CACNA1C: variants seen among roughly 807,000 people sequenced by gnomAD.
CACNA1C encodes the protein calcium voltage-gated channel subunit alpha1 C.
CACNA1C carries 30 observed loss-of-function variants against 229.0 expected under a neutral mutation model. The ratio of observed to expected loss-of-function variants is 0.13; its 90% CI spans 0.10 to 0.18. The LOEUF is 0.18. Ranked by LOEUF, CACNA1C falls within the 10% of genes least tolerant of loss-of-function variation. CACNA1C has a pLI of 1.00. For synonymous variants in CACNA1C, 1,114 were observed against 1,132.5 expected, an observed-to-expected ratio of 0.98 and a Z score of 0.33; for missense variants, 1,658 against 2,845.0, an observed-to-expected ratio of 0.58 and a Z score of 9.49.
intron 1 of CACNA1C, among the ~76,000 whole-genome samples, chr12:2,094,179 T>C (rs1165454311): frequency 5.3e-5 from 8 of 152,188 alleles, no homozygotes; most frequent in African/African-American, 1.9e-4. Context: ...AGCAGGCAGT[T>C]GTAATCTCAG....
chr12:2,435,068 T>C (rs1475465754), intron 3 of CACNA1C, among the ~76,000 whole-genome samples: 4 of 152,140 alleles, frequency 2.6e-5, no homozygotes, highest in Non-Finnish European at 5.9e-5. Flanking sequence ...AGTTTAGACC[T>C]CACCTGCCTG....
intron 1 of CACNA1C, among the ~76,000 whole-genome samples, chr12:2,021,602 C>T (rs1183643588): frequency 2.0e-5 from 3 of 151,942 alleles, no homozygotes; most frequent in Non-Finnish European, 2.9e-5. Context: ...ATCGCTTGAA[C>T]CCGGGAGGTG....
intron 29 of CACNA1C, among the ~76,000 whole-genome samples, chr12:2,620,481 G>A (rs542039634): frequency 8.5e-5 from 13 of 152,212 alleles, no homozygotes; most frequent in South Asian, 4.2e-4. Context: ...AGCCATTCTC[G>A]AGTCACCACC....
chr12:2,510,485 A>G (rs1265157711), intron 8 of CACNA1C, among the ~76,000 whole-genome samples: 1 of 152,196 alleles, frequency 6.6e-6, no homozygotes, highest in African/African-American at 2.4e-5. Context: ...AATCACCAGC[A>G]TACCTCGTGT....
At chr12:2,444,565 G>A (rs1455053492) in intron 3 of CACNA1C, among the ~76,000 whole-genome samples, 1 of 151,984 alleles carries the variant, frequency 6.6e-6, no homozygotes, top group Non-Finnish European at 1.5e-5. Context: ...ACTCTGCTCT[G>A]GGCCCCACCT....
intron 1 of CACNA1C, among the ~76,000 whole-genome samples, chr12:2,009,936 T>A (rs1254381774): frequency 6.6e-6 from 1 of 152,050 alleles, no homozygotes; most frequent in Admixed American, 6.5e-5. Flanking sequence ...AGTGAGAAAA[T>A]GTACCAGAAA....
chr12:2,250,009 C>T (rs561297824), intron 3 of CACNA1C, among the ~76,000 whole-genome samples: 6 of 152,206 alleles, frequency 3.9e-5, no homozygotes, highest in South Asian at 2.1e-4. Flanking sequence ...GGGGTTTCAC[C>T]GTGTTAGCCA....
At chr12:2,326,895 T>TA (rs1242505822) in intron 3 of CACNA1C, among the ~76,000 whole-genome samples, 1 of 152,224 alleles carries the variant, frequency 6.6e-6, no homozygotes, top group African/African-American at 2.4e-5. Context: ...TGAAGCTTTG[T>TA]AAAAATAGGC....
At chr12:2,536,977 A>G (rs1427515846) in intron 9 of CACNA1C, among the ~76,000 whole-genome samples, 2 of 152,252 alleles carry the variant, frequency 1.3e-5, no homozygotes, top group Non-Finnish European at 2.9e-5. Context: ...TCCAAGTGGC[A>G]GAGCCAGGAT....
At chr12:2,484,623 C>A (rs973073092) in intron 5 of CACNA1C, among the ~76,000 whole-genome samples, 1 of 152,108 alleles carries the variant, frequency 6.6e-6, no homozygotes. Context: ...CACTGAGGCC[C>A]GTCGAGACAC....
chr12:2,244,340 C>T (rs1300610619), intron 3 of CACNA1C, among the ~76,000 whole-genome samples: 1 of 152,250 alleles, frequency 6.6e-6, no homozygotes, highest in African/African-American at 2.4e-5. Context: ...TGCAGCTCCG[C>T]TTTTGAACAG....
intron 1 of CACNA1C, among the ~76,000 whole-genome samples, chr12:2,032,688 C>T (rs2048429376): frequency 6.6e-6 from 1 of 152,158 alleles, no homozygotes; most frequent in Non-Finnish European, 1.5e-5. Context: ...TTGTCTTGTC[C>T]TCTGAATTAT....
intron 29 of CACNA1C, among the ~76,000 whole-genome samples, chr12:2,615,806 T>C (rs558372800): frequency 6.6e-6 from 1 of 152,298 alleles, no homozygotes; most frequent in Non-Finnish European, 1.5e-5. Context: ...GTCGAGGATG[T>C]CTCAGCAAGG....
chr12:2,086,806 C>G (rs2067866050), intron 1 of CACNA1C, among the ~76,000 whole-genome samples: 1 of 152,192 alleles, frequency 6.6e-6, no homozygotes, highest in Admixed American at 6.5e-5. Flanking sequence ...CCTGGACTAG[C>G]ACACCATCAC....
At chr12:2,120,256 A>G (rs1177686928) in intron 2 of CACNA1C, 69 bp from the exon 3 acceptor site, 1 of 838,774 alleles carries the variant, frequency 1.2e-6, no homozygotes, top group African/African-American at 1.7e-5. Context: ...TCATTTTAAA[A>G]AATATGTAGA....
chr12:2,397,566 G>A (rs1214928995), intron 3 of CACNA1C, among the ~76,000 whole-genome samples: 4 of 152,240 alleles, frequency 2.6e-5, no homozygotes, highest in South Asian at 2.1e-4. Flanking sequence ...CAGAGTCCAC[G>A]GCTCTGGAAA....
At position 2,585,424 on chromosome 12, in the gene CACNA1C, G is replaced by T. The variant is rs1346569150; in HGVS notation, c.2388G>T (p.Val796=). 1 of 1,610,090 alleles carries T rather than the reference G, an allele frequency of 6.2e-7. No individual in the cohort carries two copies. The highest frequency in any genetic ancestry group is 2.2e-5 in the East Asian group (1 of 44,760). Residue 796 remains valine (V), a synonymous_variant, in exon 17 of 47, where the codon GTG becomes GTT. Transcript: ENST00000399655. This position sits in a 1 kb window ranked among gnomAD's most constrained non-coding sequence, Gnocchi z 4.1. The part of the protein sequence containing the change: ...KKQELVEKPA[V]GESKEEKIEL... Reference sequence around the variant, plus strand: ...AAGAGTTGGTGGAGAAGCCGGCAGTGGGGGAATCCAAGGAGGAGAAGATTG... The same window carrying T: ...AAGAGTTGGTGGAGAAGCCGGCAGTTGGGGAATCCAAGGAGGAGAAGATTG...
At chr12:2,536,953 T>A (rs756434348) in intron 9 of CACNA1C, among the ~76,000 whole-genome samples, 1 of 151,878 alleles carries the variant, frequency 6.6e-6, no homozygotes, top group Non-Finnish European at 1.5e-5. Flanking sequence ...CACAGAAGAG[T>A]GAGGTCACAT....
At chr12:2,186,949 G>A (rs561231724) in intron 3 of CACNA1C, among the ~76,000 whole-genome samples, 15 of 152,018 alleles carry the variant, frequency 9.9e-5, no homozygotes, top group Non-Finnish European at 1.8e-4. Flanking sequence ...GTTTTTCCCT[G>A]TGAGGTCCCC....
Sources: gnomAD v4.1 joint callset for allele counts (sites outside exome capture counted in the v4.1 genomes callset) on GRCh38, gnomAD v4.1.1 for gene constraint, Gnocchi (gnomAD v3.1) non-coding constraint, MANE v1.5 for transcripts, NCBI Gene and HGNC (gene_info 2026-07-23, HGNC 2026-07-21) for gene names.